Variants in CTTNBP2 observed in about 807,000 individuals in gnomAD.
The protein encoded by CTTNBP2 is cortactin binding protein 2, also known as cortactin-binding protein 2.
CTTNBP2 carries 108 observed loss-of-function variants against 156.9 expected under a neutral mutation model. That is an observed-to-expected ratio of 0.69 (90% CI 0.59 to 0.81). The LOEUF is 0.81. Ranked by LOEUF, CTTNBP2 falls within the 30% of genes least tolerant of loss-of-function variation. The pLI is 0.00. For synonymous variants in CTTNBP2, 767 were observed against 751.8 expected (o/e 1.02, Z -0.33); for missense variants, 1,924 against 2,035.4 (o/e 0.95, Z 1.05).
intron 14 of CTTNBP2, among the ~76,000 whole-genome samples, chr7:117,737,230 A>T (rs1281964594): frequency 6.6e-6 from 1 of 152,188 alleles, no homozygotes; most frequent in African/African-American, 2.4e-5. Context: ...TCAGAAATAG[A>T]TGTATTGTGG....
intron 9 of CTTNBP2, among the ~76,000 whole-genome samples, chr7:117,764,518 T>C (rs1235038253): frequency 6.6e-6 from 1 of 152,230 alleles, no homozygotes; most frequent in Non-Finnish European, 1.5e-5. Flanking sequence ...CACTTTGCCT[T>C]ATTTAGTGGT....
chr7:117,791,672 T>C lies in CTTNBP2; in HGVS notation c.1524A>G (p.Ser508=), dbSNP rs779466853. The C allele has an allele frequency of 1.4e-5, 22 of 1,613,986 alleles. No homozygotes were observed. The East Asian group carries it at 4.7e-4, about 34-fold the overall frequency. ...RFTSPQAGAP[S]RPGVPPTGDV... ...CCCCTGTTGGGGGCACTCCAGGCCT[T>C]GAGGGAGCACCTGCTTGAGGGCTTG... is the stretch of plus-strand genomic sequence containing the variant. Residue 508 remains serine, a synonymous_variant, in exon 4 of 23, where the codon TCA becomes TCG. Coordinates refer to ENST00000160373, the MANE Select transcript of CTTNBP2 (RefSeq NM_033427.3).
At chr7:117,712,970 G>A (rs1042701627) in intron 22 of CTTNBP2, among the ~76,000 whole-genome samples, 1 of 152,204 alleles carries the variant, frequency 6.6e-6, no homozygotes, top group Non-Finnish European at 1.5e-5. Context: ...AGCAGGACGT[G>A]AGCGGGGGCG....
intron 17 of CTTNBP2, among the ~76,000 whole-genome samples, chr7:117,727,512 C>A (rs185909807): frequency 6.6e-6 from 1 of 152,174 alleles, no homozygotes; most frequent in Non-Finnish European, 1.5e-5. Flanking sequence ...TTATTTCTAT[C>A]CCCTGCTTTC....
intron 2 of CTTNBP2, among the ~76,000 whole-genome samples, chr7:117,845,055 C>G (rs1281311740): frequency 6.6e-6 from 1 of 152,118 alleles, no homozygotes; most frequent in African/African-American, 2.4e-5. Flanking sequence ...TGAGGGCAGT[C>G]AGCAAGGTTG....
intron 2 of CTTNBP2, among the ~76,000 whole-genome samples, chr7:117,838,076 TA>T (rs1802060070): frequency 1.3e-5 from 2 of 152,198 alleles, no homozygotes; most frequent in South Asian, 4.1e-4. Context: ...TGACCATAGA[TA>T]AGTGAAACAT....
At chr7:117,861,985 C>T (rs554374367) in intron 1 of CTTNBP2, among the ~76,000 whole-genome samples, 10 of 152,116 alleles carry the variant, frequency 6.6e-5, no homozygotes, top group African/African-American at 2.4e-4. Flanking sequence ...AATAATCCAC[C>T]GAGCCAGGAA....
At chr7:117,863,725 G>A (rs551988183) in intron 1 of CTTNBP2, among the ~76,000 whole-genome samples, 2 of 152,314 alleles carry the variant, frequency 1.3e-5, no homozygotes, top group South Asian at 2.1e-4. Flanking sequence ...TATCAATGAA[G>A]TAAGTGCCAA....
intron 2 of CTTNBP2, among the ~76,000 whole-genome samples, chr7:117,820,500 TGCATATATTTA>T (rs1409152299): frequency 6.6e-6 from 1 of 152,244 alleles, no homozygotes; most frequent in African/African-American, 2.4e-5. Flanking sequence ...TCCTGGAAGT[TGCATATATTTA>T]GCTTTTAAGT....
At chr7:117,757,540 A>AG in intron 11 of CTTNBP2, among the ~76,000 whole-genome samples, 1 of 151,764 alleles carries the variant, frequency 6.6e-6, no homozygotes, top group East Asian at 1.9e-4. Context: ...AAAAAAAAAA[A>AG]AAAAAAAAAA....
chr7:117,779,982 A>T (rs1032336650), intron 7 of CTTNBP2, among the ~76,000 whole-genome samples: 1 of 152,082 alleles, frequency 6.6e-6, no homozygotes, highest in African/African-American at 2.4e-5. Context: ...CTGGTCTTGA[A>T]TTCCTGACCT....
At position 117,791,286 on chromosome 7, in the gene CTTNBP2, C is replaced by T; in HGVS notation, c.1910G>A (p.Gly637Asp). The T allele has an allele frequency of 6.2e-7, 1 of 1,614,086 alleles. No homozygotes were observed. Among genetic ancestry groups the T allele is most frequent in the Non-Finnish European group, 8.5e-7 (1 of 1,180,006 alleles). Residue 637 changes from glycine to aspartate, a missense_variant, in exon 4 of 23, where the codon GGT becomes GAT. Coordinates refer to ENST00000160373, the MANE Select transcript of CTTNBP2 (RefSeq NM_033427.3). ...TCCGGGGGTTGCAGCAGGCCAGGCACCCACCTGAGACGTGGCCAGGGCTGA... is the reference window on the plus strand; with the variant it reads ...TCCGGGGGTTGCAGCAGGCCAGGCATCCACCTGAGACGTGGCCAGGGCTGA... The part of the protein sequence containing the change: ...AVSALATSQV[G>D]AWPAATPGLN...
intron 22 of CTTNBP2, among the ~76,000 whole-genome samples, chr7:117,714,588 A>G (rs1465581923): frequency 6.6e-6 from 1 of 152,168 alleles, no homozygotes. Flanking sequence ...TACCTGCAAC[A>G]TGATGGTGAG....
chr7:117,817,361 A>AT (rs1298639361), intron 2 of CTTNBP2, among the ~76,000 whole-genome samples: 8 of 53,282 alleles, frequency 1.5e-4, no homozygotes, highest in East Asian at 6.1e-4. Context: ...AAAAAAAAAA[A>AT]ATATATATAT....
At chr7:117,797,853 A>G (rs1799407500) in intron 3 of CTTNBP2, among the ~76,000 whole-genome samples, 1 of 152,184 alleles carries the variant, frequency 6.6e-6, no homozygotes. Flanking sequence ...GAGTTCCAAA[A>G]AGAGAAAAAA....
chr7:117,731,503 C>T (rs780959540), intron 16 of CTTNBP2, among the ~76,000 whole-genome samples: 9 of 152,178 alleles, frequency 5.9e-5, no homozygotes, highest in Non-Finnish European at 7.3e-5. Context: ...GAGAGGAACC[C>T]GGTCTTGTCT....
intron 16 of CTTNBP2, among the ~76,000 whole-genome samples, chr7:117,731,771 T>C (rs1458531813): frequency 6.6e-6 from 1 of 152,148 alleles, no homozygotes. Context: ...GGAGTTAGGT[T>C]TGGGGACAGG....
intron 3 of CTTNBP2, among the ~76,000 whole-genome samples, chr7:117,806,205 G>T (rs957286947): frequency 2.6e-5 from 4 of 152,206 alleles, no homozygotes; most frequent in Admixed American, 2.6e-4. Flanking sequence ...GAGAAAGTGG[G>T]TGGCTGCTCC....
chr7:117,811,920 GTAAAAATT>G (rs1800319483), intron 2 of CTTNBP2, among the ~76,000 whole-genome samples: 1 of 129,688 alleles, frequency 7.7e-6, no homozygotes, highest in East Asian at 2.3e-4. Flanking sequence ...AAATTTTAAT[GTAAAAATT>G]TTAATTAAAA....
Sources: allele counts gnomAD v4.1 joint callset (sites outside exome capture counted in the v4.1 genomes callset), GRCh38; gene constraint gnomAD v4.1.1; transcripts MANE v1.5; gene names NCBI Gene and HGNC (gene_info 2026-07-23, HGNC 2026-07-21).